The following FBXO47 variants were observed in gnomAD, a reference collection of about 807,000 sequenced individuals.
FBXO47 encodes F-box protein 47, also known as F-box only protein 47.
Under a neutral mutation model 53.9 loss-of-function variants are expected in FBXO47, and 34 were observed. The ratio of observed to expected loss-of-function variants is 0.63; its 90% CI spans 0.48 to 0.84. The LOEUF is 0.84. Ranked by LOEUF, FBXO47 falls within the 40% of genes least tolerant of loss-of-function variation. The probability of loss-of-function intolerance (pLI) is 0.00; values close to 1 mark genes in which losing one functional copy is unlikely to be tolerated. For missense variants in FBXO47, 485 were observed against 541.3 expected (o/e 0.90, Z 1.03); for synonymous variants, 165 against 181.6 (o/e 0.91, Z 0.73).
intron 5 of FBXO47, among the ~76,000 whole-genome samples, chr17:38,952,692 C>T (rs1905354794): frequency 6.6e-6 from 1 of 151,994 alleles, no homozygotes; most frequent in Non-Finnish European, 1.5e-5. Context: ...TCACTTACAA[C>T]CATGCTGTGG....
Position 38,943,232 on chromosome 17 carries a change from T to C in FBXO47, c.941-312A>G, listed in dbSNP as rs1168439253. ...GTAAACTTTAGAATCTAAAGGATTATGCAGGAATAGGAATAATTGTTTCAC... is the reference window on the plus strand; with the variant it reads ...GTAAACTTTAGAATCTAAAGGATTACGCAGGAATAGGAATAATTGTTTCAC... On this transcript the variant is annotated intron_variant, in intron 8 of 10. Coordinates refer to ENST00000378079, the MANE Select transcript of FBXO47 (RefSeq NM_001008777.3). Among the ~76,000 whole-genome samples, 4 of 152,196 alleles carry C rather than the reference T, an allele frequency of 2.6e-5. No homozygotes were observed. In the South Asian group the frequency reaches 6.2e-4, roughly 24 times the overall value.
intron 9 of FBXO47, among the ~76,000 whole-genome samples, chr17:38,941,644 A>ATATG: frequency 7.1e-6 from 1 of 140,576 alleles, no homozygotes; most frequent in East Asian, 2.1e-4. Context: ...ATATATATAT[A>ATATG]TGTATGTGTA....
In FBXO47 at chr17:38,963,112, T is replaced by A. The variant is rs371394219; in HGVS notation, c.-26-61A>T. 2.6e-4 allele frequency: 150 copies of A among 574,596 alleles called. 1 individual carries two copies. The highest frequency in any genetic ancestry group is 1.0e-4 in the Non-Finnish European group (40 of 385,080). 35.6% of individuals were successfully genotyped at this position (574,596 alleles called of 1,614,324 possible). ...AAAGGAAATTAAAGCAAGAAAGAGA[T>A]TTTTTTTTTTAAACGAAGAGGTTGA... On this transcript the variant is annotated intron_variant, in intron 1 of 10. Transcript: ENST00000378079.
At chr17:38,939,691 C>T (rs1904417823) in intron 9 of FBXO47, among the ~76,000 whole-genome samples, 1 of 113,526 alleles carries the variant, frequency 8.8e-6, no homozygotes, top group Non-Finnish European at 1.6e-5. Flanking sequence ...GACGGAGTCT[C>T]ACTCTGTCGC....
intron 9 of FBXO47, 131 bp from the exon 10 acceptor site, chr17:38,938,863 TC>T: frequency 1.5e-6 from 1 of 680,448 alleles, no homozygotes; most frequent in East Asian, 2.6e-5. Context: ...CCATACTGAG[TC>T]TATACATGGG....
intron 6 of FBXO47, among the ~76,000 whole-genome samples, chr17:38,948,207 A>ATTTTTTTTTTTTTTTTTT (rs869282186): frequency 1.1e-5 from 1 of 89,296 alleles, no homozygotes; most frequent in Non-Finnish European, 2.1e-5. Flanking sequence ...CCTATTCTGG[A>ATTTTTTTTTTTTTTTTTT]TTTTTTTTTT....
At chr17:38,945,243 T>A in intron 6 of FBXO47, 107 bp from the exon 7 acceptor site, 2 of 772,808 alleles carry the variant, frequency 2.6e-6, no homozygotes, top group Non-Finnish European at 4.2e-6. Context: ...GATAGTAAAC[T>A]AGGTTTCTAA....
chr17:38,943,884 G>T, intron 7 of FBXO47, 148 bp from the exon 8 acceptor site: 9 of 735,658 alleles, frequency 1.2e-5, no homozygotes, highest in Non-Finnish European at 1.7e-5. Flanking sequence ...GTCAATTCTG[G>T]TAATAGTATA....
intron 6 of FBXO47, among the ~76,000 whole-genome samples, chr17:38,947,349 G>C (rs1904999205): frequency 1.3e-5 from 2 of 151,830 alleles, no homozygotes; most frequent in South Asian, 4.1e-4. Context: ...GATAGACATG[G>C]GGTCTTGCTC....
chr17:38,946,253 A>AC (rs1904794572), intron 6 of FBXO47, among the ~76,000 whole-genome samples: 2 of 107,396 alleles, frequency 1.9e-5, no homozygotes, highest in Non-Finnish European at 1.7e-5. Context: ...TATAAATATA[A>AC]AAATATGTAT....
At chr17:38,945,229 T>A in intron 6 of FBXO47, 93 bp from the exon 7 acceptor site, 1 of 867,678 alleles carries the variant, frequency 1.2e-6, no homozygotes, top group Non-Finnish European at 1.8e-6. Flanking sequence ...TCATTATGGT[T>A]AGTGATAGTA....
intron 6 of FBXO47, among the ~76,000 whole-genome samples, chr17:38,949,191 C>A (rs1420451451): frequency 6.6e-6 from 1 of 151,962 alleles, no homozygotes; most frequent in Non-Finnish European, 1.5e-5. Context: ...CTGAGACAGG[C>A]AGATCACTTG....
At position 38,964,367 on chromosome 17, in the gene FBXO47, G is replaced by A. The variant is rs1048573357; in HGVS notation, c.-26-1316C>T. ...TCCCAGCACTTTGGGAAGCCAAGGC[G>A]GGTGGATCACCTGAGGTCAGGAGTT... is the stretch of plus-strand genomic sequence containing the variant. On this transcript the variant is annotated intron_variant, in intron 1 of 10. Coordinates refer to ENST00000378079, the MANE Select transcript of FBXO47 (RefSeq NM_001008777.3). 2.0e-5 allele frequency among the ~76,000 whole-genome samples: 3 copies of A among 152,076 alleles called. No individual in the cohort carries two copies. In the South Asian group the frequency reaches 6.2e-4, roughly 32 times the overall value.
Position 38,944,234 on chromosome 17 carries a change from T to C in FBXO47, c.794-498A>G, listed in dbSNP as rs989470909. On this transcript the variant is annotated intron_variant, in intron 7 of 10. Coordinates refer to ENST00000378079, the MANE Select transcript of FBXO47 (RefSeq NM_001008777.3). ...GTGTGTGTGTGTGTGTGTGTGTGTG[T>C]ATGCTTCTTGGCCAGGCACAGTAGC... Among the ~76,000 whole-genome samples the C allele has an allele frequency of 2.7e-5, 4 of 147,562 alleles. No individual in the cohort carries two copies. The Admixed American group carries it at 2.7e-4, about 10-fold the overall frequency.
chr17:38,946,339 TATAA>T (rs1264724077), intron 6 of FBXO47, among the ~76,000 whole-genome samples: 3 of 71,064 alleles, frequency 4.2e-5, no homozygotes, highest in African/African-American at 2.0e-4. Context: ...TATAAATATA[TATAA>T]ATATATAAAT....
chr17:38,953,052 G>A (rs531516894), intron 5 of FBXO47, among the ~76,000 whole-genome samples: 2 of 148,882 alleles, frequency 1.3e-5, no homozygotes, highest in African/African-American at 4.9e-5. Context: ...CGAGGCAAAT[G>A]GATCACTTGA....
chr17:38,937,390 C>A, intron 10 of FBXO47, 100 bp from the exon 11 acceptor site: 1 of 403,498 alleles, frequency 2.5e-6, no homozygotes, highest in South Asian at 8.1e-5. Context: ...ACAGTCTCCC[C>A]CTGTTGCTTA....
chr17:38,942,734 G>C, intron 9 of FBXO47, 44 bp downstream of exon 9: 1 of 1,549,210 alleles, frequency 6.5e-7, no homozygotes, highest in Non-Finnish European at 8.8e-7. Context: ...TAGGTCAATT[G>C]TAGTGTTAAA....
intron 3 of FBXO47, among the ~76,000 whole-genome samples, 173 bp from the exon 4 acceptor site, chr17:38,957,426 T>C (rs572686009): frequency 6.6e-6 from 1 of 152,334 alleles, no homozygotes. Context: ...TTTCCATTTA[T>C]GGTATTTACC....
Sources: allele counts gnomAD v4.1 joint callset (sites outside exome capture counted in the v4.1 genomes callset), GRCh38; gene constraint gnomAD v4.1.1; transcripts MANE v1.5; gene names NCBI Gene and HGNC (gene_info 2026-07-23, HGNC 2026-07-21).